CORO2A: variants seen among roughly 807,000 people sequenced by gnomAD.
The protein encoded by CORO2A is coronin-2A.
A neutral mutation model predicts 62.4 loss-of-function variants in CORO2A; 47 were observed. The observed-to-expected ratio is 0.75, with a 90% CI of 0.60 to 0.96. CORO2A has a LOEUF of 0.96. Among genes scored for constraint, CORO2A ranks in the 40% least tolerant of loss-of-function variants. The pLI is 0.00. For missense variants in CORO2A, 610 were observed against 684.1 expected (o/e 0.89, Z 1.21); for synonymous variants, 273 against 268.9 (o/e 1.02, Z -0.15).
At chr9:98,128,797 C>G in intron 8 of CORO2A, 78 bp from the exon 9 acceptor site, 1 of 1,152,284 alleles carries the variant, frequency 8.7e-7, no homozygotes, top group Non-Finnish European at 1.3e-6. Flanking sequence ...AGGCTGCACA[C>G]CTGGACCTGA....
intron 2 of CORO2A, among the ~76,000 whole-genome samples, chr9:98,142,568 T>A (rs1365429181): frequency 6.6e-6 from 1 of 152,204 alleles, no homozygotes; most frequent in Non-Finnish European, 1.5e-5. Flanking sequence ...ATTTCCGCAG[T>A]GCGGTTTCCC....
At chr9:98,178,123 T>C (rs1423580854) in intron 1 of CORO2A, among the ~76,000 whole-genome samples, 1 of 152,154 alleles carries the variant, frequency 6.6e-6, no homozygotes, top group African/African-American at 2.4e-5. Context: ...CATAGCTCAT[T>C]GTAGCCTCCA....
chr9:98,124,673 T>C lies in CORO2A; in HGVS notation c.*101A>G, dbSNP rs968926622. 10 of 1,182,018 alleles carry C rather than the reference T, an allele frequency of 8.5e-6. No individual in the cohort carries two copies. Among genetic ancestry groups the C allele is most frequent in the African/African-American group, 4.7e-5 (3 of 64,372 alleles). 73.2% of individuals were successfully genotyped at this position (1,182,018 alleles called of 1,614,324 possible). On this transcript the variant is annotated 3_prime_UTR_variant, in exon 12 of 12. Coordinates refer to ENST00000375077, the MANE Select transcript of CORO2A (RefSeq NM_052820.4). ...GAGTTTTGTTTTCTGGTAAAAAATA[T>C]AGAAATAGTGGTTGTCCTTGAGGGG...
chr9:98,157,565 G>C lies in CORO2A; in HGVS notation c.96C>G (p.Thr32=). The change falls in exon 2 of 12, where the codon ACC becomes ACG. Residue 32 remains threonine, a synonymous_variant. Transcript: ENST00000375077. ...AGAAGTGGTTGTCGTGAACGCTGCG[G>C]GTGATAGGCACGGAGTCGTAGCAGT... is the stretch of plus-strand genomic sequence containing the variant. ...KENCYDSVPI[T]RSVHDNHFCA... 6.2e-7 allele frequency: 1 copy of C among 1,614,208 alleles called. No homozygotes were observed. Among genetic ancestry groups the C allele is most frequent in the Non-Finnish European group, 8.5e-7 (1 of 1,180,038 alleles).
intron 2 of CORO2A, among the ~76,000 whole-genome samples, chr9:98,140,903 A>G (rs1332122833): frequency 6.6e-6 from 1 of 152,160 alleles, no homozygotes; most frequent in African/African-American, 2.4e-5. Flanking sequence ...TATAAAGGAC[A>G]TTATTTAACA....
Position 98,124,569 on chromosome 9 carries a change from T to C in CORO2A, c.*205A>G. On this transcript the variant is annotated 3_prime_UTR_variant, in exon 12 of 12. Transcript: ENST00000375077. ...CAGAAGGCATCATCTGAAAACAAAG[T>C]CAATTCAGAAACTGTTGTTGCAAGA... 2.1e-6 allele frequency: 1 copy of C among 472,184 alleles called. No homozygotes were observed. The highest frequency in any genetic ancestry group is 3.6e-6 in the Non-Finnish European group (1 of 274,276). The allele number at this position is 472,184 out of a possible 1,614,324, so 29.2% of individuals were successfully genotyped here. A position where few individuals can be genotyped will look rare whatever the true frequency, so the allele number is the denominator to read the frequency against.
chr9:98,150,983 T>C (rs1287593586), intron 2 of CORO2A, among the ~76,000 whole-genome samples: 1 of 152,196 alleles, frequency 6.6e-6, no homozygotes, highest in Non-Finnish European at 1.5e-5. Context: ...TTCTTCTCCT[T>C]CACAGATTAT....
intron 2 of CORO2A, among the ~76,000 whole-genome samples, chr9:98,154,475 T>C (rs1827776802): frequency 6.6e-6 from 1 of 151,734 alleles, no homozygotes; most frequent in Non-Finnish European, 1.5e-5. Flanking sequence ...TACCCATAAT[T>C]GCTACCCTCC....
At chr9:98,155,441 C>T (rs749589049) in intron 2 of CORO2A, among the ~76,000 whole-genome samples, 2 of 148,812 alleles carry the variant, frequency 1.3e-5, no homozygotes, top group Non-Finnish European at 3.0e-5. Flanking sequence ...CTGCCTCCTG[C>T]GTTCAAGCAA....
chr9:98,124,542 A>G lies in CORO2A; in HGVS notation c.*232T>C, dbSNP rs1827289637. On this transcript the variant is annotated 3_prime_UTR_variant, in exon 12 of 12. Coordinates refer to ENST00000375077, the MANE Select transcript of CORO2A (RefSeq NM_052820.4). ...TCATGGGCCCTTAATAACAGAATTC[A>G]ACAGAAGGCATCATCTGAAAACAAA... 4.9e-6 allele frequency: 2 copies of G among 407,716 alleles called. No homozygotes were observed. Among genetic ancestry groups the G allele is most frequent in the Non-Finnish European group, 8.8e-6 (2 of 228,038 alleles). The allele number at this position is 407,716 out of a possible 1,614,324, so 25.3% of individuals were successfully genotyped here.
chr9:98,134,804 A>T lies in CORO2A; in HGVS notation c.468+2T>A. The T allele has an allele frequency of 6.2e-7, 1 of 1,608,774 alleles. No homozygotes were observed. Among genetic ancestry groups the T allele is most frequent in the South Asian group, 1.1e-5 (1 of 90,418 alleles). ...CCCCAGAGAAAGAATACCCAGACTCACCTTGTAGTCATAGCCAGCACTGAA... is the reference window on the plus strand; with the variant it reads ...CCCCAGAGAAAGAATACCCAGACTCTCCTTGTAGTCATAGCCAGCACTGAA... On this transcript the variant is annotated splice_donor_variant, in intron 4 of 11. Transcript: ENST00000375077. LOFTEE classifies it high-confidence loss of function.
chr9:98,142,248 C>A (rs1827578879), intron 2 of CORO2A, among the ~76,000 whole-genome samples: 1 of 152,214 alleles, frequency 6.6e-6, no homozygotes. Context: ...CTCTCTCGGA[C>A]CTCAGACTTG....
chr9:98,188,464 T>C (rs992742173), intron 1 of CORO2A, among the ~76,000 whole-genome samples: 4 of 152,162 alleles, frequency 2.6e-5, no homozygotes, highest in Admixed American at 6.6e-5. Flanking sequence ...TCCCCAGCAC[T>C]TAGAAAATAC....
At chr9:98,126,882 G>T in intron 10 of CORO2A, 59 bp from the exon 11 acceptor site, 1 of 1,582,598 alleles carries the variant, frequency 6.3e-7, no homozygotes. Flanking sequence ...GGGCATATGG[G>T]GCACCAATGA....
intron 1 of CORO2A, among the ~76,000 whole-genome samples, chr9:98,185,982 C>T (rs1828234263): frequency 6.6e-6 from 1 of 152,230 alleles, no homozygotes; most frequent in South Asian, 2.1e-4. Flanking sequence ...AACTCACCTC[C>T]CACCCAGGGC....
At chr9:98,155,342 ATTTT>A (rs11379239) in intron 2 of CORO2A, among the ~76,000 whole-genome samples, 1 of 101,858 alleles carries the variant, frequency 9.8e-6, no homozygotes, top group Non-Finnish European at 1.9e-5. Context: ...TTATTGCTCA[ATTTT>A]TTTTTTTTTT....
At chr9:98,179,930 G>A (rs1376177720) in intron 1 of CORO2A, among the ~76,000 whole-genome samples, 19 of 152,264 alleles carry the variant, frequency 1.2e-4, no homozygotes, top group African/African-American at 3.9e-4. Context: ...TTGAACCTGG[G>A]AGGCGGAGGT....
At chr9:98,142,388 G>A (rs892226300) in intron 2 of CORO2A, among the ~76,000 whole-genome samples, 11 of 152,258 alleles carry the variant, frequency 7.2e-5, no homozygotes, top group African/African-American at 2.7e-4. Flanking sequence ...CTCTGAGGGA[G>A]CACCAGTGAG....
chr9:98,163,334 C>T (rs185429291), intron 1 of CORO2A, among the ~76,000 whole-genome samples: 2 of 152,184 alleles, frequency 1.3e-5, no homozygotes, highest in South Asian at 2.1e-4. Flanking sequence ...GGATAACAGG[C>T]GCATGCCACT....
Sources: gnomAD v4.1 joint callset for allele counts (sites outside exome capture counted in the v4.1 genomes callset) on GRCh38, gnomAD v4.1.1 for gene constraint, MANE v1.5 for transcripts, NCBI Gene and HGNC (gene_info 2026-07-23, HGNC 2026-07-21) for gene names.